The following CCDC146 variants were observed in gnomAD, a reference collection of about 807,000 sequenced individuals.
The protein encoded by CCDC146 is coiled-coil domain containing 146.
Under a neutral mutation model 119.3 loss-of-function variants are expected in CCDC146, and 92 were observed. The observed-to-expected ratio is 0.77, with a 90% CI of 0.65 to 0.92. The LOEUF (loss-of-function observed/expected upper bound fraction) is 0.92. CCDC146 is among the 40% of genes least tolerant of loss of function. The probability of loss-of-function intolerance (pLI) is 0.00; values close to 1 mark genes in which losing one functional copy is unlikely to be tolerated. For synonymous variants in CCDC146, 372 were observed against 371.8 expected (o/e 1.00, Z -0.01); for missense variants, 1,000 against 1,103.0 (o/e 0.91, Z 1.32).
intron 2 of CCDC146, among the ~76,000 whole-genome samples, chr7:77,183,729 G>A (rs1378768134): frequency 2.0e-5 from 3 of 152,180 alleles, no homozygotes; most frequent in East Asian, 1.9e-4. Context: ...CATAGTGCTT[G>A]CACTTACCTC....
At position 77,225,622 on chromosome 7, in the gene CCDC146, A is replaced by T. The variant is rs115458752; in HGVS notation, c.157-11325A>T. Among the ~76,000 whole-genome samples, 150 of 150,790 alleles carry T rather than the reference A, an allele frequency of 9.9e-4. 1 individual carries two copies. The highest frequency in any genetic ancestry group is 3.2e-3 in the African/African-American group (132 of 40,738). Reference sequence around the variant, plus strand: ...ATCCACTTGACTTGTGATATACTTGACTACTAGACTATGCTAGCCAGTAAA... The same window carrying T: ...ATCCACTTGACTTGTGATATACTTGTCTACTAGACTATGCTAGCCAGTAAA... On this transcript the variant is annotated intron_variant, in intron 2 of 18. Transcript: ENST00000285871.
chr7:77,279,211 C>A, intron 13 of CCDC146, 110 bp downstream of exon 13: 1 of 1,059,876 alleles, frequency 9.4e-7, no homozygotes, highest in Non-Finnish European at 1.4e-6. Context: ...CTGCAATGAG[C>A]CAAGATGGTG....
intron 15 of CCDC146, among the ~76,000 whole-genome samples, chr7:77,284,236 C>G (rs1477898179): frequency 6.6e-6 from 1 of 152,174 alleles, no homozygotes; most frequent in Non-Finnish European, 1.5e-5. Flanking sequence ...ATGCAAAGCA[C>G]TTCAATTTGA....
chr7:77,226,604 T>C (rs1192360015), intron 2 of CCDC146, among the ~76,000 whole-genome samples: 1 of 152,280 alleles, frequency 6.6e-6, no homozygotes, highest in East Asian at 1.9e-4. Flanking sequence ...TCCAGTCACA[T>C]AATTGCCAGC....
chr7:77,227,430 C>T (rs1156623211), intron 2 of CCDC146, among the ~76,000 whole-genome samples: 1 of 152,150 alleles, frequency 6.6e-6, no homozygotes, highest in Non-Finnish European at 1.5e-5. Flanking sequence ...CTCAGCCTCC[C>T]GAGTAGCTGG....
intron 6 of CCDC146, among the ~76,000 whole-genome samples, chr7:77,258,705 T>C (rs1036780087): frequency 6.6e-6 from 1 of 152,198 alleles, no homozygotes; most frequent in Non-Finnish European, 1.5e-5. Context: ...AACGGGTTTA[T>C]TGGGACGTCA....
intron 2 of CCDC146, among the ~76,000 whole-genome samples, chr7:77,184,713 G>T (rs1434454003): frequency 6.6e-6 from 1 of 152,150 alleles, no homozygotes; most frequent in Admixed American, 6.6e-5. Context: ...GAACTTGTTT[G>T]CCCTTTCTGT....
chr7:77,271,445 G>A (rs1793511556), intron 9 of CCDC146, among the ~76,000 whole-genome samples: 1 of 147,380 alleles, frequency 6.8e-6, no homozygotes, highest in African/African-American at 2.5e-5. Flanking sequence ...CTGTGATCCT[G>A]TGAGTTAATA....
intron 2 of CCDC146, among the ~76,000 whole-genome samples, chr7:77,171,666 C>T (rs1447110669): frequency 2.0e-5 from 3 of 152,368 alleles, no homozygotes; most frequent in South Asian, 4.1e-4. Flanking sequence ...AGGAACCTGA[C>T]GGCCTGCCCA....
intron 1 of CCDC146, among the ~76,000 whole-genome samples, chr7:77,164,817 G>C (rs1271660278): frequency 6.6e-6 from 1 of 152,124 alleles, no homozygotes; most frequent in African/African-American, 2.4e-5. Flanking sequence ...AAGCCTTCTG[G>C]CTTCTTATGA....
At chr7:77,293,316 C>T in intron 18 of CCDC146, 116 bp downstream of exon 18, 2 of 1,074,736 alleles carry the variant, frequency 1.9e-6, no homozygotes, top group Non-Finnish European at 1.4e-6. Flanking sequence ...ACACACAGTC[C>T]CAACAGTCGT....
intron 1 of CCDC146, among the ~76,000 whole-genome samples, chr7:77,146,910 G>T (rs1369675208): frequency 1.3e-5 from 2 of 152,150 alleles, no homozygotes; most frequent in Non-Finnish European, 2.9e-5. Flanking sequence ...CTCTCGAGGA[G>T]TATCTTTGTG....
At chr7:77,280,182 G>A (rs560754320) in intron 13 of CCDC146, among the ~76,000 whole-genome samples, 2 of 152,038 alleles carry the variant, frequency 1.3e-5, no homozygotes, top group Admixed American at 6.5e-5. Context: ...GATAAAGGGG[G>A]TCAGCAGAAC....
At chr7:77,281,405 A>G (rs994979215) in intron 14 of CCDC146, among the ~76,000 whole-genome samples, 1 of 152,210 alleles carries the variant, frequency 6.6e-6, no homozygotes, top group Non-Finnish European at 1.5e-5. Context: ...TCCAGGTTGC[A>G]GTTATATCAT....
chr7:77,124,299 T>C (rs932684805), intron 1 of CCDC146, among the ~76,000 whole-genome samples: 1 of 152,146 alleles, frequency 6.6e-6, no homozygotes, highest in African/African-American at 2.4e-5. Context: ...AATATTAAGA[T>C]TGGTATAAAA....
chr7:77,185,382 G>C (rs1007587673), intron 2 of CCDC146, among the ~76,000 whole-genome samples: 1 of 152,136 alleles, frequency 6.6e-6, no homozygotes, highest in Non-Finnish European at 1.5e-5. Context: ...ATAAACACAA[G>C]TTGCTTGCCT....
At chr7:77,172,583 A>C (rs573109772) in intron 2 of CCDC146, among the ~76,000 whole-genome samples, 1 of 152,340 alleles carries the variant, frequency 6.6e-6, no homozygotes, top group African/African-American at 2.4e-5. Context: ...TGTGTTCAGT[A>C]TGACATTCAC....
intron 2 of CCDC146, among the ~76,000 whole-genome samples, chr7:77,208,372 GCTATGTGGTATAGCCT>G (rs71997957): frequency 0.071 from 10,778 of 152,212 alleles, 1,038 homozygotes; most frequent in African/African-American, 0.22. Flanking sequence ...ACACATGTAG[GCTATGTGGTATAGCCT>G]ATTGCTCCTA....
At chr7:77,169,830 G>A (rs1489455382) in intron 2 of CCDC146, among the ~76,000 whole-genome samples, 1 of 152,002 alleles carries the variant, frequency 6.6e-6, no homozygotes, top group Non-Finnish European at 1.5e-5. Flanking sequence ...AGGATCCCTA[G>A]TTCCTGTTAC....
Sources: allele counts gnomAD v4.1 joint callset (sites outside exome capture counted in the v4.1 genomes callset), GRCh38; gene constraint gnomAD v4.1.1; transcripts MANE v1.5; gene names NCBI Gene and HGNC (gene_info 2026-07-23, HGNC 2026-07-21).